The following ZZZ3 variants were observed in gnomAD, a reference collection of about 807,000 sequenced individuals.
The protein encoded by ZZZ3 is ZZ-type zinc finger-containing protein 3.
In ZZZ3, 22 loss-of-function variants were observed where a neutral mutation model predicts 95.2. That is an observed-to-expected ratio of 0.23 (90% CI 0.17 to 0.33). The LOEUF is 0.33. ZZZ3 is among the 10% of genes least tolerant of loss of function. The pLI, the probability that ZZZ3 is intolerant of heterozygous loss-of-function variation, is 1.00. For missense variants in ZZZ3, 885 were observed against 1,066.5 expected (o/e 0.83, Z 2.37); for synonymous variants, 335 against 358.9 (o/e 0.93, Z 0.75).
At chr1:77,673,236 T>C (rs1328776805) in intron 1 of ZZZ3, among the ~76,000 whole-genome samples, 3 of 152,214 alleles carry the variant, frequency 2.0e-5, no homozygotes, top group Admixed American at 6.5e-5. Flanking sequence ...TCTTTCACTA[T>C]GACTTTCCTT....
intron 1 of ZZZ3, among the ~76,000 whole-genome samples, chr1:77,663,897 G>A (rs188985074): frequency 1.4e-3 from 218 of 151,838 alleles, no homozygotes; most frequent in African/African-American, 4.9e-3. Context: ...TTACAGGTGC[G>A]TGCCACCACG....
intron 1 of ZZZ3, among the ~76,000 whole-genome samples, chr1:77,648,660 T>C (rs1669523448): frequency 6.6e-6 from 1 of 152,002 alleles, no homozygotes; most frequent in African/African-American, 2.4e-5. Flanking sequence ...AATAGAAACC[T>C]AACAGAGAGA....
intron 1 of ZZZ3, among the ~76,000 whole-genome samples, chr1:77,663,849 A>C (rs1171754060): frequency 2.0e-5 from 3 of 151,858 alleles, no homozygotes; most frequent in Non-Finnish European, 4.4e-5. Context: ...TCCCGGGTTC[A>C]AGCGATTCTC....
intron 11 of ZZZ3, 121 bp downstream of exon 11, chr1:77,578,653 G>C (rs1662203635): frequency 9.5e-6 from 5 of 524,352 alleles, no homozygotes; most frequent in Non-Finnish European, 9.1e-6. Flanking sequence ...ATAAGGAAAT[G>C]CTTAGAATGA....
At chr1:77,613,119 G>A (rs544708546) in intron 5 of ZZZ3, among the ~76,000 whole-genome samples, 10 of 151,834 alleles carry the variant, frequency 6.6e-5, no homozygotes, top group Non-Finnish European at 1.5e-4. Flanking sequence ...CAATTCTTTA[G>A]GTTGTAGTTG....
intron 1 of ZZZ3, among the ~76,000 whole-genome samples, chr1:77,655,621 A>C (rs1198722268): frequency 2.6e-5 from 4 of 152,232 alleles, no homozygotes; most frequent in African/African-American, 9.6e-5. Flanking sequence ...ACAATAGCTA[A>C]TGAGACAGAC....
chr1:77,621,808 C>A (rs1380746815), intron 5 of ZZZ3, among the ~76,000 whole-genome samples: 2 of 151,822 alleles, frequency 1.3e-5, no homozygotes, highest in Admixed American at 6.6e-5. Context: ...CAGAGCAAGA[C>A]CCTGTCTTGA....
chr1:77,638,823 C>T (rs922845547), intron 4 of ZZZ3, among the ~76,000 whole-genome samples: 3 of 152,062 alleles, frequency 2.0e-5, no homozygotes, highest in African/African-American at 4.8e-5. Flanking sequence ...TATTTAATAA[C>T]GTTGAGGCCA....
chr1:77,589,473 G>A (rs1349669993), intron 5 of ZZZ3, among the ~76,000 whole-genome samples: 3 of 150,392 alleles, frequency 2.0e-5, no homozygotes, highest in Admixed American at 6.6e-5. Context: ...GGAGTCTCAC[G>A]CTCACCCAGG....
intron 5 of ZZZ3, among the ~76,000 whole-genome samples, chr1:77,611,604 A>C (rs1665818763): frequency 6.6e-6 from 1 of 152,012 alleles, no homozygotes; most frequent in Admixed American, 6.6e-5. Flanking sequence ...TACTACACAA[A>C]GCTATTACAA....
At chr1:77,576,763 A>G (rs928771385) in intron 11 of ZZZ3, among the ~76,000 whole-genome samples, 1 of 95,378 alleles carries the variant, frequency 1.0e-5, no homozygotes, top group East Asian at 3.0e-4. Context: ...ACACTAAAAA[A>G]AAAAACAAAA....
At chr1:77,648,071 C>G (rs367599501) in intron 1 of ZZZ3, among the ~76,000 whole-genome samples, 1 of 151,970 alleles carries the variant, frequency 6.6e-6, no homozygotes, top group South Asian at 2.1e-4. Flanking sequence ...CAGAAATTAC[C>G]AAACAGGCCA....
At position 77,668,190 on chromosome 1, in the gene ZZZ3, G is replaced by T. The variant is rs1671422832; in HGVS notation, c.-403+14395C>A. The stretch of plus-strand genomic sequence containing the variant: ...ATTTTTTTTGTAATTTAAATAACAG[G>T]TTTCATTTTTAAGAGCCTATCAGTA... On this transcript the variant is annotated intron_variant, in intron 1 of 14. Coordinates refer to ENST00000370801, the MANE Select transcript of ZZZ3 (RefSeq NM_015534.6). Among the ~76,000 whole-genome samples the T allele has an allele frequency of 2.0e-5, 3 of 151,996 alleles. No individual in the cohort carries two copies. In the South Asian group the frequency reaches 6.2e-4, roughly 32 times the overall value.
At chr1:77,612,220 C>T (rs1371230113) in intron 5 of ZZZ3, among the ~76,000 whole-genome samples, 1 of 151,890 alleles carries the variant, frequency 6.6e-6, no homozygotes, top group Non-Finnish European at 1.5e-5. Flanking sequence ...CAGGGAAATG[C>T]AAATTAAGTC....
intron 11 of ZZZ3, among the ~76,000 whole-genome samples, chr1:77,577,435 A>C (rs1662069757): frequency 6.6e-6 from 1 of 152,202 alleles, no homozygotes; most frequent in South Asian, 2.1e-4. Flanking sequence ...CTACAAATCT[A>C]CACAGGTTGT....
chr1:77,617,517 T>C (rs1666431413), intron 5 of ZZZ3, among the ~76,000 whole-genome samples: 1 of 152,230 alleles, frequency 6.6e-6, no homozygotes, highest in African/African-American at 2.4e-5. Flanking sequence ...TGTGTATCCA[T>C]TCATCAGCTG....
At chr1:77,605,925 T>C (rs1040086738) in intron 5 of ZZZ3, among the ~76,000 whole-genome samples, 1 of 152,078 alleles carries the variant, frequency 6.6e-6, no homozygotes, top group Non-Finnish European at 1.5e-5. Context: ...ATGATGGCTA[T>C]GGTGAGAAAC....
intron 9 of ZZZ3, chr1:77,579,871 A>C (rs938739293): frequency 8.1e-6 from 2 of 248,102 alleles, no homozygotes; most frequent in Non-Finnish European, 1.5e-5. Flanking sequence ...TATTCACATA[A>C]GTAAAAATAT....
chr1:77,620,929 G>C (rs980801261), intron 5 of ZZZ3, among the ~76,000 whole-genome samples: 3 of 152,166 alleles, frequency 2.0e-5, no homozygotes, highest in African/African-American at 7.2e-5. Flanking sequence ...CAAGAACACA[G>C]AAAGAAGTGA....
Sources: allele counts gnomAD v4.1 joint callset (sites outside exome capture counted in the v4.1 genomes callset), GRCh38; gene constraint gnomAD v4.1.1; transcripts MANE v1.5; gene names NCBI Gene and HGNC (gene_info 2026-07-23, HGNC 2026-07-21).